Variants in PRSS23 observed in about 807,000 individuals in gnomAD.
PRSS23 encodes the protein protease, serine 23.
A neutral mutation model predicts 34.7 loss-of-function variants in PRSS23; 25 were observed. The observed-to-expected ratio is 0.72, with a 90% confidence interval of 0.53 to 1.01. PRSS23 has a LOEUF of 1.01. Ranked by LOEUF, PRSS23 falls within the 50% of genes least tolerant of loss-of-function variation. The pLI is 0.00. For synonymous variants in PRSS23, 176 were observed against 186.6 expected (o/e 0.94, Z 0.46); for missense variants, 445 against 475.6 (o/e 0.94, Z 0.60).
chr11:86,888,612 G>T (rs1156443514), intron 2 of PRSS23, among the ~76,000 whole-genome samples: 1 of 152,218 alleles, frequency 6.6e-6, no homozygotes, highest in Non-Finnish European at 1.5e-5. Context: ...TATTCTGAGA[G>T]ACTGTTGGTC....
At chr11:86,853,010 C>A (rs535809747) in intron 2 of PRSS23, among the ~76,000 whole-genome samples, 2 of 151,296 alleles carry the variant, frequency 1.3e-5, no homozygotes, top group African/African-American at 4.9e-5. Context: ...TGCGCCACCA[C>A]GCCCAGCTAA....
chr11:86,841,562 G>A (rs895530511), intron 2 of PRSS23, among the ~76,000 whole-genome samples: 1 of 151,888 alleles, frequency 6.6e-6, no homozygotes, highest in Non-Finnish European at 1.5e-5. Flanking sequence ...AAGAAAAGAA[G>A]AAATAATCAA....
chr11:86,887,175 C>T (rs549822665), intron 2 of PRSS23, among the ~76,000 whole-genome samples: 2 of 152,240 alleles, frequency 1.3e-5, no homozygotes, highest in South Asian at 2.1e-4. Flanking sequence ...GAGCTGTGCT[C>T]GTTCTTATTA....
At chr11:86,952,441 C>T in exon 3 of PRSS23, 1 of 1,613,762 alleles carries the variant, frequency 6.2e-7, no homozygotes, top group Non-Finnish European at 8.5e-7. Context: ...TCTCTGTGCA[C>T]ATTGGCACAT....
At chr11:86,869,114 T>C (rs1465339489) in intron 2 of PRSS23, among the ~76,000 whole-genome samples, 1 of 152,194 alleles carries the variant, frequency 6.6e-6, no homozygotes, top group African/African-American at 2.4e-5. Flanking sequence ...AAGTTTTTAA[T>C]GACTCTGAAA....
chr11:86,833,112 A>T, intron 2 of PRSS23: 1 of 644,960 alleles, frequency 1.6e-6, no homozygotes, highest in East Asian at 3.2e-5. Context: ...CCTCACACTC[A>T]GGAGCATGTC....
rs963110736 is a variant in PRSS23, at chr11:86,809,163, T to C, written c.*368T>C. ...AAAGATTTATATTAAATATTTGGCA[T>C]ACAAGAGATATGAATTCTTATATGT... On this transcript the variant is annotated 3_prime_UTR_variant, in exon 2 of 2. Transcript: ENST00000280258. 1.1e-5 allele frequency: 2 copies of C among 186,560 alleles called. No homozygotes were observed. Among genetic ancestry groups the C allele is most frequent in the African/African-American group, 4.8e-5 (2 of 41,980 alleles). 11.6% of individuals were successfully genotyped at this position (186,560 alleles called of 1,614,324 possible).
chr11:86,831,133 G>A (rs983229567), intron 2 of PRSS23, among the ~76,000 whole-genome samples: 8 of 152,100 alleles, frequency 5.3e-5, no homozygotes, highest in South Asian at 4.1e-4. Flanking sequence ...TGTACACTCC[G>A]TGATATTATT....
intron 1 of PRSS23, among the ~76,000 whole-genome samples, chr11:86,822,154 AC>A (rs1236311783): frequency 1.3e-5 from 2 of 152,202 alleles, no homozygotes; most frequent in Non-Finnish European, 2.9e-5. Context: ...TTTATTGAGC[AC>A]CTACTATGCA....
At chr11:86,918,215 T>C (rs1053140445) in intron 2 of PRSS23, among the ~76,000 whole-genome samples, 3 of 152,094 alleles carry the variant, frequency 2.0e-5, no homozygotes, top group African/African-American at 7.2e-5. Flanking sequence ...CAGAAATGAA[T>C]GTAAATGCAG....
chr11:86,862,855 C>T (rs1175520755), intron 2 of PRSS23, among the ~76,000 whole-genome samples: 7 of 135,096 alleles, frequency 5.2e-5, no homozygotes, highest in Non-Finnish European at 8.5e-5. Flanking sequence ...AGGTGATGTA[C>T]ACCCTGTGAT....
At chr11:86,924,175 A>G (rs1453941950) in intron 2 of PRSS23, among the ~76,000 whole-genome samples, 1 of 152,128 alleles carries the variant, frequency 6.6e-6, no homozygotes, top group Non-Finnish European at 1.5e-5. Flanking sequence ...ACAGCAGGGG[A>G]GTGAAACATT....
chr11:86,829,151 C>CT (rs1244982561), intron 2 of PRSS23, among the ~76,000 whole-genome samples: 2 of 152,190 alleles, frequency 1.3e-5, no homozygotes, highest in African/African-American at 4.8e-5. Flanking sequence ...TAGATTTGGT[C>CT]TTTTCACATA....
chr11:86,843,957 A>G (rs537276929), intron 2 of PRSS23, among the ~76,000 whole-genome samples: 2 of 152,238 alleles, frequency 1.3e-5, no homozygotes, highest in Non-Finnish European at 2.9e-5. Context: ...ATAAAGACAC[A>G]TGCCCACGAA....
At chr11:86,838,554 A>C (rs1590887812) in intron 2 of PRSS23, among the ~76,000 whole-genome samples, 1 of 152,242 alleles carries the variant, frequency 6.6e-6, no homozygotes, top group East Asian at 1.9e-4. Context: ...GCATAGCAGA[A>C]CGAAAGGCAG....
At chr11:86,854,363 G>A (rs183516996) in intron 2 of PRSS23, among the ~76,000 whole-genome samples, 2 of 152,200 alleles carry the variant, frequency 1.3e-5, no homozygotes, top group African/African-American at 2.4e-5. Flanking sequence ...GGATGCCTTG[G>A]GTTTCCTGTT....
At chr11:86,824,369 A>ATAAAATAAAATAAAT (rs1565356573) in intron 2 of PRSS23, among the ~76,000 whole-genome samples, 1 of 146,710 alleles carries the variant, frequency 6.8e-6, no homozygotes, top group African/African-American at 2.5e-5. Context: ...ATAAAATAAA[A>ATAAAATAAAATAAAT]TAAATAAAAT....
At chr11:86,873,479 T>C (rs1948701654) in intron 2 of PRSS23, among the ~76,000 whole-genome samples, 1 of 151,578 alleles carries the variant, frequency 6.6e-6, no homozygotes, top group Admixed American at 6.6e-5. Flanking sequence ...GTCGGGGTTT[T>C]CCTATGTTGG....
intron 2 of PRSS23, among the ~76,000 whole-genome samples, chr11:86,841,130 A>G (rs941362819): frequency 1.2e-4 from 18 of 152,104 alleles, no homozygotes; most frequent in Non-Finnish European, 2.1e-4. Flanking sequence ...ACCTGAGGTC[A>G]GGAGTTCGAG....
Sources: allele counts gnomAD v4.1 joint callset (sites outside exome capture counted in the v4.1 genomes callset), GRCh38; gene constraint gnomAD v4.1.1; transcripts MANE v1.5; gene names NCBI Gene and HGNC (gene_info 2026-07-23, HGNC 2026-07-21).